The following KAZN variants were observed in gnomAD, a reference collection of about 807,000 sequenced individuals.
KAZN encodes kazrin, periplakin interacting protein, also known as kazrin.
KAZN carries 40 observed loss-of-function variants against 87.4 expected under a neutral mutation model. The ratio of observed to expected loss-of-function variants is 0.46; its 90% CI spans 0.36 to 0.60. KAZN has a LOEUF of 0.60. Ranked by LOEUF, KAZN falls within the 20% of genes least tolerant of loss-of-function variation. The probability of loss-of-function intolerance (pLI) is 0.00; values close to 1 mark genes in which losing one functional copy is unlikely to be tolerated. For missense variants in KAZN, 898 were observed against 1,073.9 expected (o/e 0.84, Z 2.29); for synonymous variants, 466 against 458.3 (o/e 1.02, Z -0.22).
chr1:14,303,256 G>A (rs1226224213), intron 2 of KAZN, among the ~76,000 whole-genome samples: 1 of 152,058 alleles, frequency 6.6e-6, no homozygotes, highest in African/African-American at 2.4e-5. Flanking sequence ...TGAAATCAGA[G>A]TCTACAAAGG....
chr1:14,842,868 A>G (rs1213396889), intron 1 of KAZN, among the ~76,000 whole-genome samples: 1 of 152,242 alleles, frequency 6.6e-6, no homozygotes. Context: ...CTTCAATTCC[A>G]GCTCCCTGGA....
intron 1 of KAZN, among the ~76,000 whole-genome samples, chr1:14,770,591 C>T (rs535042303): frequency 2.0e-5 from 3 of 152,210 alleles, no homozygotes; most frequent in Non-Finnish European, 4.4e-5. Flanking sequence ...CAGGGCCATA[C>T]ACCACGGCAG....
chr1:14,461,184 G>T (rs1667830876), intron 2 of KAZN, among the ~76,000 whole-genome samples: 1 of 152,138 alleles, frequency 6.6e-6, no homozygotes, highest in Non-Finnish European at 1.5e-5. Context: ...ACCCTTTCCT[G>T]GCTGTCATCT....
rs567765430 is a variant in KAZN at position 14,135,543 on chromosome 1, G to A, written c.92-44892G>A. On this transcript the variant is annotated intron_variant, in intron 1 of 16. Coordinates refer to the KAZN transcript ENST00000636203. ...CCAGGGACCCTTGAGATTGAAGACT[G>A]TGATATCTTTAACAAGTATCTCGAA... Among the ~76,000 whole-genome samples the A allele has an allele frequency of 3.9e-5, 6 of 152,334 alleles. No individual in the cohort carries two copies. The South Asian group carries it at 1.2e-3, about 32-fold the overall frequency.
At chr1:14,925,674 C>A (rs1219666284) in intron 1 of KAZN, among the ~76,000 whole-genome samples, 1 of 152,164 alleles carries the variant, frequency 6.6e-6, no homozygotes, top group Non-Finnish European at 1.5e-5. Context: ...AGCTGGGGAG[C>A]ACACGGGCTT....
At chr1:14,027,555 A>G (rs1641133797) in intron 1 of KAZN, among the ~76,000 whole-genome samples, 1 of 152,198 alleles carries the variant, frequency 6.6e-6, no homozygotes, top group Non-Finnish European at 1.5e-5. Context: ...AGAAGGTTGC[A>G]ATAGCTTCTA....
intron 3 of KAZN, 123 bp downstream of exon 3, chr1:15,035,008 T>C: frequency 8.1e-7 from 1 of 1,237,096 alleles, no homozygotes; most frequent in Non-Finnish European, 1.1e-6. Flanking sequence ...AGGCCCTTGA[T>C]GTGTCCAGCC....
chr1:14,650,510 C>T (rs1325832715), intron 1 of KAZN, among the ~76,000 whole-genome samples: 1 of 152,174 alleles, frequency 6.6e-6, no homozygotes, highest in Admixed American at 6.5e-5. Context: ...CTGCACTCCA[C>T]ACTCCAGCCT....
intron 1 of KAZN, among the ~76,000 whole-genome samples, chr1:14,954,658 G>A (rs377602185): frequency 9.9e-5 from 15 of 152,140 alleles, no homozygotes; most frequent in South Asian, 2.1e-4. Context: ...TAATTTATAC[G>A]TAAGATAGTC....
intron 4 of KAZN, among the ~76,000 whole-genome samples, chr1:15,050,947 C>T (rs1365658042): frequency 6.6e-6 from 1 of 152,206 alleles, no homozygotes; most frequent in Non-Finnish European, 1.5e-5. Flanking sequence ...CCCCTGAGAT[C>T]TGTGAAAGAG....
At chr1:14,098,242 T>C (rs1644172392) in intron 1 of KAZN, among the ~76,000 whole-genome samples, 1 of 152,154 alleles carries the variant, frequency 6.6e-6, no homozygotes, top group African/African-American at 2.4e-5. Context: ...AGAGAACCAG[T>C]GTCCATTAAT....
chr1:14,021,953 C>CTTTTTTTTT lies in KAZN; in HGVS notation c.91+128208_91+128216dup, dbSNP rs141959214. 2.2e-4 allele frequency among the ~76,000 whole-genome samples: 25 copies of CTTTTTTTTT among 114,276 alleles called. 3 individuals carry two copies. Among genetic ancestry groups the CTTTTTTTTT allele is most frequent in the South Asian group, 2.9e-4 (1 of 3,416 alleles). The allele number at this position is 114,276 out of a possible 152,430, so 75.0% of individuals were successfully genotyped here. On this transcript the variant is annotated intron_variant, in intron 1 of 16. Transcript: ENST00000636203. ...AGGAAATGGGATGTGAATGAACATG[C>CTTTTTTTTT]TTTTTTTTTTTTTTTTTTTGTAACG... is the stretch of plus-strand genomic sequence containing the variant.
chr1:14,779,401 A>T (rs1412194629), intron 1 of KAZN, among the ~76,000 whole-genome samples: 1 of 152,214 alleles, frequency 6.6e-6, no homozygotes, highest in Non-Finnish European at 1.5e-5. Context: ...ATTGGAGGGT[A>T]CGGCCAGAAG....
intron 2 of KAZN, among the ~76,000 whole-genome samples, chr1:14,986,361 G>GT (rs1210448545): frequency 3.9e-5 from 6 of 152,148 alleles, no homozygotes; most frequent in African/African-American, 7.2e-5. Flanking sequence ...CCACCTCACC[G>GT]TTATGTGCCT....
intron 1 of KAZN, among the ~76,000 whole-genome samples, chr1:14,848,030 T>C (rs1014987157): frequency 6.6e-6 from 1 of 152,122 alleles, no homozygotes; most frequent in Non-Finnish European, 1.5e-5. Context: ...GCTCAATAAA[T>C]ATTAGTTCAA....
intron 2 of KAZN, among the ~76,000 whole-genome samples, chr1:14,424,073 G>C (rs1665579908): frequency 6.6e-6 from 1 of 152,174 alleles, no homozygotes; most frequent in Non-Finnish European, 1.5e-5. Flanking sequence ...GCTTGTACTA[G>C]TTCCAGTTGA....
At chr1:14,124,501 A>G (rs1282281846) in intron 1 of KAZN, among the ~76,000 whole-genome samples, 2 of 152,198 alleles carry the variant, frequency 1.3e-5, no homozygotes, top group Non-Finnish European at 2.9e-5. Context: ...ATTCAGCTTC[A>G]TTGTTAATGT....
chr1:14,322,639 C>A (rs1182180830), intron 2 of KAZN, among the ~76,000 whole-genome samples: 1 of 152,174 alleles, frequency 6.6e-6, no homozygotes, highest in African/African-American at 2.4e-5. Flanking sequence ...GTGGCCAAAT[C>A]TAGTGACTTA....
At chr1:14,295,844 T>C (rs534999774) in intron 2 of KAZN, among the ~76,000 whole-genome samples, 4 of 152,200 alleles carry the variant, frequency 2.6e-5, no homozygotes, top group South Asian at 4.1e-4. Context: ...TTTGCAGTTA[T>C]ACACTCCTTA....
Sources: gnomAD v4.1 joint callset for allele counts (sites outside exome capture counted in the v4.1 genomes callset) on GRCh38, gnomAD v4.1.1 for gene constraint, MANE v1.5 for transcripts, NCBI Gene and HGNC (gene_info 2026-07-23, HGNC 2026-07-21) for gene names.